B3GALT1: variants seen among roughly 807,000 people sequenced by gnomAD.
B3GALT1 encodes the protein beta-1,3-galactosyltransferase 1.
A neutral mutation model predicts 23.2 loss-of-function variants in B3GALT1; 10 were observed. The ratio of observed to expected loss-of-function variants is 0.43; its 90% CI spans 0.27 to 0.73. B3GALT1 has a LOEUF of 0.73. B3GALT1 is among the 30% of genes least tolerant of loss of function. The pLI is 0.21. For synonymous variants in B3GALT1, 156 were observed against 141.5 expected (o/e 1.10, Z -0.73); for missense variants, 299 against 405.4 (o/e 0.74, Z 2.25).
At chr2:167,805,403 C>A (rs919235711) in intron 3 of B3GALT1, among the ~76,000 whole-genome samples, 35 of 152,064 alleles carry the variant, frequency 2.3e-4, no homozygotes, top group African/African-American at 7.0e-4. Flanking sequence ...GTCCTTGCCC[C>A]TGCCTATGTC....
At position 167,714,317 on chromosome 2, in the gene B3GALT1, T is replaced by C. The variant is rs546242499; in HGVS notation, c.-352+67351T>C. ...AGTGTCAGAAGGAGCCCTGTGAGCA[T>C]CAGTTGACCTATCACAGCTTGGTTC... On this transcript the variant is annotated intron_variant, in intron 3 of 4. Coordinates refer to ENST00000392690, the MANE Select transcript of B3GALT1 (RefSeq NM_020981.4). The C allele has an allele frequency of 2.6e-5, 39 of 1,492,542 alleles. No individual in the cohort carries two copies. In the South Asian group the frequency reaches 4.4e-4, roughly 17 times the overall value. The allele number at this position is 1,492,542 out of a possible 1,614,324, so 92.5% of individuals were successfully genotyped here. A position where few individuals can be genotyped will look rare whatever the true frequency, so the allele number is the denominator to read the frequency against.
At position 167,866,996 on chromosome 2, in the gene B3GALT1, A is replaced by G. The variant is rs188737721; in HGVS notation, c.-229-1815A>G. ...GGCTGGAGTGCAGTGGCGCAATCTC[A>G]GCTCACTGCAAGCTCCACCTCCTGG... On this transcript the variant is annotated intron_variant, in intron 4 of 4. Transcript: ENST00000392690. Among the ~76,000 whole-genome samples, 889 of 151,482 alleles carry G rather than the reference A, an allele frequency of 5.9e-3. 5 individuals are homozygous for G. The highest frequency in any genetic ancestry group is 0.014 in the Middle Eastern group (4 of 294).
chr2:167,770,935 T>C (rs1243889503), intron 3 of B3GALT1, among the ~76,000 whole-genome samples: 1 of 152,228 alleles, frequency 6.6e-6, no homozygotes, highest in Non-Finnish European at 1.5e-5. Context: ...CCATTTTCGA[T>C]AGCAGCTAGA....
intron 1 of B3GALT1, among the ~76,000 whole-genome samples, chr2:167,444,491 T>A (rs1698949481): frequency 6.6e-6 from 1 of 152,246 alleles, no homozygotes. Context: ...TGAATCCATC[T>A]GGTCCTGGAC....
chr2:167,380,378 A>C (rs536867529), intron 1 of B3GALT1, among the ~76,000 whole-genome samples: 1 of 152,030 alleles, frequency 6.6e-6, no homozygotes. Context: ...TAAAAGTCTC[A>C]TTGCCCAGGA....
chr2:167,829,824 T>A (rs1689308312), intron 4 of B3GALT1, among the ~76,000 whole-genome samples: 1 of 151,966 alleles, frequency 6.6e-6, no homozygotes, highest in South Asian at 2.1e-4. Context: ...GGAAGTTATG[T>A]GAGAAAGAGA....
At chr2:167,438,662 T>TC (rs763879469) in intron 1 of B3GALT1, among the ~76,000 whole-genome samples, 5 of 152,156 alleles carry the variant, frequency 3.3e-5, no homozygotes, top group African/African-American at 4.8e-5. Context: ...CAGTGATGGA[T>TC]CCCAAGCAAC....
At chr2:167,548,716 GTA>G (rs1553466239) in intron 2 of B3GALT1, among the ~76,000 whole-genome samples, 2 of 150,544 alleles carry the variant, frequency 1.3e-5, no homozygotes, top group South Asian at 4.2e-4. Flanking sequence ...GTGTGTGTGT[GTA>G]TGTGTGTGTC....
intron 1 of B3GALT1, among the ~76,000 whole-genome samples, chr2:167,447,728 G>C (rs180889063): frequency 7.4e-4 from 112 of 152,260 alleles, no homozygotes; most frequent in African/African-American, 2.6e-3. Context: ...ATATTAGGGT[G>C]GAAGTGACCC....
chr2:167,611,656 C>T (rs185023788), intron 2 of B3GALT1, among the ~76,000 whole-genome samples: 55 of 152,064 alleles, frequency 3.6e-4, no homozygotes, highest in Non-Finnish European at 7.4e-4. Context: ...AGGGGTATAT[C>T]TGTGAGTATT....
chr2:167,740,963 A>G (rs1250949372), intron 3 of B3GALT1, among the ~76,000 whole-genome samples: 1 of 152,206 alleles, frequency 6.6e-6, no homozygotes, highest in African/African-American at 2.4e-5. Flanking sequence ...CTTCCCTGGC[A>G]CTAGGTGTCA....
chr2:167,859,117 A>G (rs900438814), intron 4 of B3GALT1, among the ~76,000 whole-genome samples: 2 of 152,146 alleles, frequency 1.3e-5, no homozygotes, highest in Non-Finnish European at 2.9e-5. Flanking sequence ...TCACATTTCT[A>G]ATAAAAAATA....
At chr2:167,678,319 TATGAG>T (rs752461744) in intron 3 of B3GALT1, among the ~76,000 whole-genome samples, 33 of 152,170 alleles carry the variant, frequency 2.2e-4, no homozygotes, top group Non-Finnish European at 4.3e-4. Flanking sequence ...ATAATAATCC[TATGAG>T]ATAAGTACTG....
At position 167,865,357 on chromosome 2, in the gene B3GALT1, C is replaced by T. The variant is rs572491815; in HGVS notation, c.-229-3454C>T. 2.6e-5 allele frequency among the ~76,000 whole-genome samples: 4 copies of T among 152,196 alleles called. No individual in the cohort carries two copies. In the East Asian group the frequency reaches 5.8e-4, roughly 22 times the overall value. Reference sequence around the variant, plus strand: ...CCAGGAGGTTTCAGTGAGCCAAGATCGCATTGTCGCACTCCAGCCTGGGTG... The same window carrying T: ...CCAGGAGGTTTCAGTGAGCCAAGATTGCATTGTCGCACTCCAGCCTGGGTG... On this transcript the variant is annotated intron_variant, in intron 4 of 4. Coordinates refer to ENST00000392690, the MANE Select transcript of B3GALT1 (RefSeq NM_020981.4).
intron 1 of B3GALT1, among the ~76,000 whole-genome samples, 196 bp downstream of exon 1, chr2:167,293,530 CT>C (rs1433056260): frequency 6.6e-6 from 1 of 152,142 alleles, no homozygotes; most frequent in African/African-American, 2.4e-5. Flanking sequence ...CGCTCACAGA[CT>C]TTGACAGCGC....
At chr2:167,743,500 T>G (rs186948849) in intron 3 of B3GALT1, among the ~76,000 whole-genome samples, 1 of 152,260 alleles carries the variant, frequency 6.6e-6, no homozygotes, top group Non-Finnish European at 1.5e-5. Flanking sequence ...TTGTGTGCTA[T>G]TATTTCTTTT....
chr2:167,545,459 G>A (rs1026472230), intron 2 of B3GALT1, among the ~76,000 whole-genome samples: 7 of 152,156 alleles, frequency 4.6e-5, no homozygotes, highest in African/African-American at 1.4e-4. Context: ...AAAACATCAG[G>A]CTGCAGCTAG....
At chr2:167,389,959 A>C (rs1320573665) in intron 1 of B3GALT1, among the ~76,000 whole-genome samples, 1 of 151,748 alleles carries the variant, frequency 6.6e-6, no homozygotes. Context: ...AAACCATCGC[A>C]TGAGAAGAGG....
At chr2:167,448,096 T>A (rs2105318180) in intron 1 of B3GALT1, among the ~76,000 whole-genome samples, 1 of 152,344 alleles carries the variant, frequency 6.6e-6, no homozygotes, top group Non-Finnish European at 1.5e-5. Context: ...TGTGTGGAAG[T>A]ATCTTTTTTG....
Sources: gnomAD v4.1 joint callset for allele counts (sites outside exome capture counted in the v4.1 genomes callset) on GRCh38, gnomAD v4.1.1 for gene constraint, MANE v1.5 for transcripts, NCBI Gene and HGNC (gene_info 2026-07-23, HGNC 2026-07-21) for gene names.